TTC14: variants seen among roughly 807,000 people sequenced by gnomAD.
The protein encoded by TTC14 is tetratricopeptide repeat domain 14.
Under a neutral mutation model 79.9 loss-of-function variants are expected in TTC14, and 63 were observed. The observed-to-expected ratio is 0.79, with a 90% CI of 0.64 to 0.97. The LOEUF (loss-of-function observed/expected upper bound fraction) is 0.97, where lower values mean the gene tolerates loss of function less well. Among genes scored for constraint, TTC14 ranks in the 50% least tolerant of loss-of-function variants. The pLI, the probability that TTC14 is intolerant of heterozygous loss-of-function variation, is 0.00. For missense variants in TTC14, 895 were observed against 894.0 expected (o/e 1.00, Z -0.01); for synonymous variants, 335 against 309.6 (o/e 1.08, Z -0.86).
downstream of TTC14, among the ~76,000 whole-genome samples, chr3:180,611,366 C>T (rs991905563): frequency 3.3e-5 from 5 of 152,192 alleles, no homozygotes; most frequent in Non-Finnish European, 5.9e-5. Context: ...CATTGTAAAT[C>T]TGGCTTTTCT....
rs559493326 is a variant in TTC14 at position 180,606,247 on chromosome 3, T to C, written c.930-6T>C. The C allele has an allele frequency of 2.5e-6, 4 of 1,613,782 alleles. No homozygotes were observed. In the African/African-American group the frequency reaches 5.3e-5, roughly 22 times the overall value. On this transcript the variant is annotated splice_polypyrimidine_tract_variant and splice_region_variant and intron_variant, in intron 7 of 11. Coordinates refer to ENST00000296015, the MANE Select transcript of TTC14 (RefSeq NM_133462.4). ...GTTTGTGATGCTTTACAAATGTCTT[T>C]TTTAGTGTGAAGATCGGAGTTGACT... is the stretch of plus-strand genomic sequence containing the variant.
intron 1 of TTC14, 148 bp downstream of exon 1, chr3:180,602,570 C>G: frequency 9.0e-7 from 1 of 1,110,310 alleles, no homozygotes; most frequent in South Asian, 1.6e-5. Context: ...GCTGGGTGGA[C>G]GGGGGGCGCT....
rs1464339592 is a variant in TTC14, at chr3:180,604,323, T to A, written c.571+14T>A. On this transcript the variant is annotated intron_variant, in intron 4 of 11. Transcript: ENST00000296015. Reference sequence around the variant, plus strand: ...ACATCATTCGAGGTGATTAGTTTCATCATACTAATAAAAAAGTAATGATTG... The same window carrying A: ...ACATCATTCGAGGTGATTAGTTTCAACATACTAATAAAAAAGTAATGATTG... The A allele has an allele frequency of 2.5e-6, 4 of 1,605,134 alleles. No homozygotes were observed. The highest frequency in any genetic ancestry group is 1.3e-5 in the African/African-American group (1 of 74,470).
intron 7 of TTC14, 51 bp downstream of exon 7, chr3:180,605,888 G>A (rs1389438247): frequency 1.3e-6 from 2 of 1,537,310 alleles, no homozygotes; most frequent in Non-Finnish European, 1.8e-6. Flanking sequence ...TAAAAGCTTA[G>A]GGCAAGGCAA....
In TTC14 at chr3:180,610,068, A is replaced by G. The variant is rs756027155; in HGVS notation, c.1839A>G (p.Thr613=). Residue 613 remains threonine, a synonymous_variant, in exon 12 of 12, where the codon ACA becomes ACG. Coordinates refer to ENST00000296015, the MANE Select transcript of TTC14 (RefSeq NM_133462.4). Reference sequence around the variant, plus strand: ...AAACCCAAGCAGGTAGTAGCAAAACAGAAAAGCCATATAAATCAGAAAGAC... The same window carrying G: ...AAACCCAAGCAGGTAGTAGCAAAACGGAAAAGCCATATAAATCAGAAAGAC... ...SYKTQAGSSK[T]EKPYKSERHF... is the part of the protein sequence containing the mutation. The G allele has an allele frequency of 8.7e-6, 14 of 1,613,974 alleles. No individual in the cohort carries two copies. The South Asian group carries it at 1.5e-4, about 18-fold the overall frequency.
chr3:180,613,703 C>A, downstream of TTC14: 1 of 360,838 alleles, frequency 2.8e-6, no homozygotes, highest in South Asian at 2.2e-5. Flanking sequence ...CCCAAACTAG[C>A]ACAGGGCTGA....
At chr3:180,606,226 G>C in intron 7 of TTC14, 27 bp from the exon 8 acceptor site, 2 of 1,612,088 alleles carry the variant, frequency 1.2e-6, no homozygotes, top group African/African-American at 2.7e-5. Flanking sequence ...TGAAGTGTTT[G>C]TGATGCTTTA....
chr3:180,613,506 T>A (rs1454983006), downstream of TTC14, among the ~76,000 whole-genome samples: 1 of 152,160 alleles, frequency 6.6e-6, no homozygotes, highest in Non-Finnish European at 1.5e-5. Context: ...ATAGTGCAAT[T>A]TCTGTGTGTC....
chr3:180,603,726 A>G (rs1271384894), intron 3 of TTC14: 2 of 243,890 alleles, frequency 8.2e-6, no homozygotes, highest in Non-Finnish European at 1.6e-5. Flanking sequence ...CAATAATTAA[A>G]TGTAAGTGGT....
At chr3:180,613,932 A>AAAC, downstream of TTC14, 1 of 436,772 alleles carries the variant, frequency 2.3e-6, no homozygotes, top group South Asian at 1.7e-5. Context: ...AAAGAAGTAC[A>AAAC]AACAACAGTT....
In TTC14 at chr3:180,602,164, G is replaced by A. The variant is rs1716384008; in HGVS notation, c.-98G>A. 8.1e-6 allele frequency: 12 copies of A among 1,488,850 alleles called. No individual in the cohort carries two copies. Among genetic ancestry groups the A allele is most frequent in the Admixed American group, 1.9e-5 (1 of 51,890 alleles). 92.2% of individuals were successfully genotyped at this position (1,488,850 alleles called of 1,614,324 possible). ...GTCTGTGTACTTCCGGCAGCCTCCAGACAGTTTCTTCCGCTTCCTGTACCA... is the reference window on the plus strand; with the variant it reads ...GTCTGTGTACTTCCGGCAGCCTCCAAACAGTTTCTTCCGCTTCCTGTACCA... On this transcript the variant is annotated 5_prime_UTR_variant, in exon 1 of 12. Coordinates refer to ENST00000296015, the MANE Select transcript of TTC14 (RefSeq NM_133462.4).
In TTC14 at chr3:180,617,722, G is replaced by A. The variant is rs537615585; in HGVS notation, c.*155G>A. 257 of 382,864 alleles carry A rather than the reference G, an allele frequency of 6.7e-4. 1 individual carries two copies. The highest frequency in any genetic ancestry group is 2.7e-3 in the Middle Eastern group (4 of 1,474). The allele number at this position is 382,864 out of a possible 1,614,324, so 23.7% of individuals were successfully genotyped here. A position where few individuals can be genotyped will look rare whatever the true frequency, so the allele number is the denominator to read the frequency against. ...GCTTAAGCTAAATGTCATCACAAAAGAGTAAAAAAATTTTACAAAATTAAA... is the reference window on the plus strand; with the variant it reads ...GCTTAAGCTAAATGTCATCACAAAAAAGTAAAAAAATTTTACAAAATTAAA... On this transcript the variant is annotated 3_prime_UTR_variant, in exon 13 of 13. Transcript: ENST00000382584.
At chr3:180,609,489 T>C in intron 11 of TTC14, 141 bp from the exon 12 acceptor site, 2 of 1,334,258 alleles carry the variant, frequency 1.5e-6, no homozygotes, top group Non-Finnish European at 1.9e-6. Context: ...AATTAGATCT[T>C]GTAGTAGCCG....
downstream of TTC14, among the ~76,000 whole-genome samples, chr3:180,612,494 A>C (rs1717067097): frequency 6.6e-6 from 1 of 152,204 alleles, no homozygotes; most frequent in South Asian, 2.1e-4. Context: ...GGGGCTGAGT[A>C]CAGTCACTCA....
chr3:180,611,232 A>G, downstream of TTC14: 1 of 903,172 alleles, frequency 1.1e-6, no homozygotes, highest in Non-Finnish European at 1.3e-6. Flanking sequence ...CATTGCTAGC[A>G]TAGCCATAAA....
chr3:180,609,076 T>C (rs893158134), intron 11 of TTC14: 2 of 910,480 alleles, frequency 2.2e-6, no homozygotes, highest in African/African-American at 3.6e-5. Context: ...GGAAGAAATA[T>C]TTTAGAACTA....
At chr3:180,611,490 A>C (rs889213114), downstream of TTC14, among the ~76,000 whole-genome samples, 1 of 152,164 alleles carries the variant, frequency 6.6e-6, no homozygotes, top group African/African-American at 2.4e-5. Context: ...CTGTGCCTTG[A>C]TGCTTCTCTG....
chr3:180,616,704 AAAT>A, intron 12 of TTC14: 23 of 1,583,068 alleles, frequency 1.5e-5, no homozygotes, highest in Non-Finnish European at 2.0e-5. Context: ...CACTGTTGGT[AAAT>A]AATAGTCAAT....
chr3:180,602,824 CAGA>C, intron 1 of TTC14, 64 bp from the exon 2 acceptor site: 5 of 1,517,418 alleles, frequency 3.3e-6, no homozygotes, highest in Non-Finnish European at 4.4e-6. Flanking sequence ...AAGCCATAAG[CAGA>C]AGGTTAGAAG....
Sources: allele counts gnomAD v4.1 joint callset (sites outside exome capture counted in the v4.1 genomes callset), GRCh38; gene constraint gnomAD v4.1.1; transcripts MANE v1.5; gene names NCBI Gene and HGNC (gene_info 2026-07-23, HGNC 2026-07-21).